Variants in DLGAP2 observed in about 807,000 individuals in gnomAD.
DLGAP2 encodes disks large-associated protein 2.
In DLGAP2, 26 loss-of-function variants were observed where a neutral mutation model predicts 100.3. The ratio of observed to expected loss-of-function variants is 0.26; its 90% CI spans 0.19 to 0.36. The LOEUF (loss-of-function observed/expected upper bound fraction) is 0.36, where lower values mean the gene tolerates loss of function less well. Ranked by LOEUF, DLGAP2 falls within the 10% of genes least tolerant of loss-of-function variation. The pLI is 1.00. For missense variants in DLGAP2, 1,858 were observed against 1,453.2 expected, an observed-to-expected ratio of 1.28 and a Z score of -4.53; for synonymous variants, 886 against 630.1, an observed-to-expected ratio of 1.41 and a Z score of -6.08.
At chr8:1,390,693 G>A (rs1796330560) in intron 3 of DLGAP2, among the ~76,000 whole-genome samples, 1 of 152,174 alleles carries the variant, frequency 6.6e-6, no homozygotes, top group African/African-American at 2.4e-5. Flanking sequence ...CTCTTGTTGG[G>A]TGCTGGTGGT....
chr8:1,321,714 C>T (rs368728869), intron 3 of DLGAP2, among the ~76,000 whole-genome samples: 4 of 152,266 alleles, frequency 2.6e-5, no homozygotes, highest in South Asian at 2.1e-4. Context: ...CTCTAGAACT[C>T]GGCTTCCCCA....
intron 2 of DLGAP2, among the ~76,000 whole-genome samples, chr8:1,010,296 T>G (rs1195102537): frequency 4.8e-5 from 6 of 125,144 alleles, no homozygotes; most frequent in African/African-American, 1.9e-4. Flanking sequence ...GTGTGTACAC[T>G]CAGATATCAG....
chr8:1,539,442 T>A (rs772635522), intron 4 of DLGAP2, among the ~76,000 whole-genome samples: 1 of 152,118 alleles, frequency 6.6e-6, no homozygotes, highest in Non-Finnish European at 1.5e-5. Flanking sequence ...GGCTCTAATC[T>A]CGGTGCACTG....
At chr8:1,099,833 C>T (rs966881052) in intron 2 of DLGAP2, among the ~76,000 whole-genome samples, 2 of 152,168 alleles carry the variant, frequency 1.3e-5, no homozygotes, top group African/African-American at 4.8e-5. Flanking sequence ...GTGATAATTC[C>T]TTCTGAATAT....
At chr8:1,072,237 G>T (rs896177077) in intron 2 of DLGAP2, among the ~76,000 whole-genome samples, 1 of 152,168 alleles carries the variant, frequency 6.6e-6, no homozygotes, top group African/African-American at 2.4e-5. Context: ...GATTGATGGT[G>T]TTCAGATGCA....
At chr8:1,634,859 T>C (rs770885941) in intron 8 of DLGAP2, among the ~76,000 whole-genome samples, 2 of 152,208 alleles carry the variant, frequency 1.3e-5, no homozygotes, top group Non-Finnish European at 2.9e-5. Flanking sequence ...TTAATTTATA[T>C]ATATACAATG....
chr8:1,054,251 TACAC>T (rs895152678), intron 2 of DLGAP2, among the ~76,000 whole-genome samples: 2 of 151,660 alleles, frequency 1.3e-5, no homozygotes, highest in Non-Finnish European at 2.9e-5. Flanking sequence ...TACACACACG[TACAC>T]ACACGCACAC....
chr8:1,046,928 G>A (rs1319276354), intron 2 of DLGAP2, among the ~76,000 whole-genome samples: 1 of 148,646 alleles, frequency 6.7e-6, no homozygotes, highest in African/African-American at 2.5e-5. Context: ...GGACTGAAAT[G>A]CATCCTTTTT....
chr8:1,033,842 C>T (rs1188963984), intron 2 of DLGAP2, among the ~76,000 whole-genome samples: 35 of 121,984 alleles, frequency 2.9e-4, no homozygotes, highest in Admixed American at 4.2e-4. Flanking sequence ...ATCCCGGCCC[C>T]GCGTGTCACC....
chr8:902,314 T>C (rs1330171421), intron 1 of DLGAP2, among the ~76,000 whole-genome samples: 2 of 151,626 alleles, frequency 1.3e-5, no homozygotes, highest in East Asian at 2.0e-4. Flanking sequence ...GACTGTGTTT[T>C]AATTTGTGAG....
intron 2 of DLGAP2, among the ~76,000 whole-genome samples, chr8:1,249,984 G>T (rs1027009829): frequency 1.3e-5 from 2 of 152,152 alleles, no homozygotes; most frequent in Non-Finnish European, 2.9e-5. Context: ...AGGTTCAAGT[G>T]ATTGTTCTGC....
chr8:1,473,488 T>C (rs190415977), intron 3 of DLGAP2, among the ~76,000 whole-genome samples: 18 of 152,124 alleles, frequency 1.2e-4, no homozygotes, highest in Non-Finnish European at 2.5e-4. Flanking sequence ...TCTACACATA[T>C]CACATTCTCA....
intron 2 of DLGAP2, among the ~76,000 whole-genome samples, chr8:909,960 G>A (rs1474582775): frequency 6.6e-6 from 1 of 152,210 alleles, no homozygotes; most frequent in Non-Finnish European, 1.5e-5. Context: ...AAAGGTCCTT[G>A]TAAGGGCGAC....
At chr8:1,436,715 C>CCCCACTCACCCATTCACTCA (rs1554469747) in intron 3 of DLGAP2, among the ~76,000 whole-genome samples, 59 of 152,218 alleles carry the variant, frequency 3.9e-4, no homozygotes, top group African/African-American at 7.9e-4. Context: ...CGCATTCACT[C>CCCCACTCACCCATTCACTCA]CCCACTCACC....
At chr8:1,271,114 C>T (rs1274756698) in intron 3 of DLGAP2, among the ~76,000 whole-genome samples, 1 of 151,944 alleles carries the variant, frequency 6.6e-6, no homozygotes, top group Non-Finnish European at 1.5e-5. Flanking sequence ...CTAACCATTA[C>T]CAAATTAAAT....
At chr8:1,463,885 T>A (rs1305901984) in intron 3 of DLGAP2, among the ~76,000 whole-genome samples, 2 of 152,226 alleles carry the variant, frequency 1.3e-5, no homozygotes, top group Non-Finnish European at 2.9e-5. Context: ...TCTTGTGACC[T>A]GGGCCTTCCA....
intron 5 of DLGAP2, among the ~76,000 whole-genome samples, chr8:1,561,859 G>C (rs1802178070): frequency 2.8e-5 from 1 of 35,658 alleles, no homozygotes; most frequent in Non-Finnish European, 5.5e-5. Flanking sequence ...CTCGTTACTG[G>C]GGGACTGTGT....
chr8:1,408,522 G>A lies in DLGAP2; in HGVS notation c.107-92844G>A, dbSNP rs529160139. Among the ~76,000 whole-genome samples, 11 of 152,308 alleles carry A rather than the reference G, an allele frequency of 7.2e-5. No homozygotes were observed. In the South Asian group the frequency reaches 2.3e-3, roughly 32 times the overall value. On this transcript the variant is annotated intron_variant, in intron 3 of 14. Coordinates refer to ENST00000637795, the MANE Select transcript of DLGAP2 (RefSeq NM_001346810.2). ...CCTTCTCTGGGCCTTGGATGATGAG[G>A]GTGCTGCTCTCCACTGGGACTCCAG...
At chr8:1,345,949 C>CT (rs1267526536) in intron 3 of DLGAP2, among the ~76,000 whole-genome samples, 2 of 152,214 alleles carry the variant, frequency 1.3e-5, no homozygotes, top group African/African-American at 2.4e-5. Flanking sequence ...CAGCGCTTAA[C>CT]TTCCGAGCCC....
Sources: allele counts gnomAD v4.1 joint callset (sites outside exome capture counted in the v4.1 genomes callset), GRCh38; gene constraint gnomAD v4.1.1; transcripts MANE v1.5; gene names NCBI Gene and HGNC (gene_info 2026-07-23, HGNC 2026-07-21).